The following ITPR1 variants were observed in gnomAD, a reference collection of about 807,000 sequenced individuals.
ITPR1 encodes inositol 1,4,5-trisphosphate receptor type 1, also known as inositol 1,4,5-trisphosphate-gated calcium channel ITPR1.
A neutral mutation model predicts 318.4 loss-of-function variants in ITPR1; 96 were observed. The ratio of observed to expected loss-of-function variants is 0.30; its 90% CI spans 0.26 to 0.36. The LOEUF (loss-of-function observed/expected upper bound fraction) is 0.36. Ranked by LOEUF, ITPR1 falls within the 10% of genes least tolerant of loss-of-function variation. The pLI, the probability that ITPR1 is intolerant of heterozygous loss-of-function variation, is 1.00. For missense variants in ITPR1, 2,440 were observed against 3,460.2 expected (o/e 0.71, Z 7.40); for synonymous variants, 1,312 against 1,289.9 (o/e 1.02, Z -0.37).
intron 55 of ITPR1, among the ~76,000 whole-genome samples, 176 bp from the exon 56 acceptor site, chr3:4,811,089 T>G (rs2048912539): frequency 6.6e-6 from 1 of 152,218 alleles, no homozygotes; most frequent in South Asian, 2.1e-4. Flanking sequence ...TTTTTCCTCA[T>G]TTTTACCATC....
intron 4 of ITPR1, among the ~76,000 whole-genome samples, chr3:4,565,401 G>A (rs4684420): frequency 0.69 from 104,939 of 152,116 alleles, 36,258 homozygotes; most frequent in Admixed American, 0.74. Flanking sequence ...TCTACCACCT[G>A]GTCCATTCAA....
intron 61 of ITPR1, among the ~76,000 whole-genome samples, chr3:4,842,641 G>A (rs1404375920): frequency 6.6e-6 from 1 of 152,140 alleles, no homozygotes; most frequent in Non-Finnish European, 1.5e-5. Context: ...TACGGAGTGA[G>A]CCACCATGCC....
intron 54 of ITPR1, among the ~76,000 whole-genome samples, chr3:4,802,313 G>A (rs911918234): frequency 7.2e-5 from 11 of 152,196 alleles, no homozygotes; most frequent in African/African-American, 2.4e-4. Flanking sequence ...TCCCAGTAGT[G>A]GAAAGTGCCT....
chr3:4,846,563 TTA>T lies in ITPR1; in HGVS notation c.*340_*341del, dbSNP rs763218969. On this transcript the variant is annotated 3_prime_UTR_variant, in exon 62 of 62. Transcript: ENST00000649015. ...TATTTAAAACTAGAATAGCCAGTAT[TTA>T]TGTTTTTTATAAAACTGTGCAATAC... is the stretch of plus-strand genomic sequence containing the variant. 1.2e-4 allele frequency: 21 copies of T among 175,528 alleles called. No homozygotes were observed. The South Asian group carries it at 2.2e-3, about 19-fold the overall frequency. 10.9% of individuals were successfully genotyped at this position (175,528 alleles called of 1,614,324 possible). A position where few individuals can be genotyped will look rare whatever the true frequency, so the allele number is the denominator to read the frequency against.
At chr3:4,746,500 T>C (rs113119861) in intron 44 of ITPR1, among the ~76,000 whole-genome samples, 64 of 152,266 alleles carry the variant, frequency 4.2e-4, no homozygotes, top group African/African-American at 7.2e-4. Flanking sequence ...AAGCCCTGAT[T>C]GAAATGTCTC....
intron 4 of ITPR1, among the ~76,000 whole-genome samples, chr3:4,588,041 C>T (rs1337301449): frequency 6.6e-6 from 1 of 152,090 alleles, no homozygotes; most frequent in Admixed American, 6.6e-5. Flanking sequence ...TGAAATTAGT[C>T]ATATAAAATC....
chr3:4,610,762 GGTCC>G (rs1319952619), intron 4 of ITPR1, among the ~76,000 whole-genome samples: 1 of 152,094 alleles, frequency 6.6e-6, no homozygotes, highest in African/African-American at 2.4e-5. Flanking sequence ...TTATTCCACA[GGTCC>G]GCCCAGCTAT....
chr3:4,521,258 A>G (rs1172595380), intron 4 of ITPR1, among the ~76,000 whole-genome samples, 164 bp downstream of exon 4: 1 of 152,244 alleles, frequency 6.6e-6, no homozygotes, highest in Non-Finnish European at 1.5e-5. Context: ...AAAAATGCAT[A>G]CATAAATTTA....
chr3:4,757,135 GA>G (rs2045060712), intron 44 of ITPR1, among the ~76,000 whole-genome samples: 1 of 152,166 alleles, frequency 6.6e-6, no homozygotes, highest in Non-Finnish European at 1.5e-5. Flanking sequence ...TAGGTTTCCC[GA>G]GTTCCAGTTC....
In ITPR1 at chr3:4,766,606, T is replaced by C. The variant is rs143093165; in HGVS notation, c.5621T>C (p.Val1874Ala). 1.2e-6 allele frequency: 2 copies of C among 1,613,640 alleles called. No individual in the cohort carries two copies. The highest frequency in any genetic ancestry group is 2.7e-5 in the African/African-American group (2 of 74,884). The change falls in exon 45 of 62, where the codon GTG (valine) becomes GCG (alanine). Residue 1874 changes from valine to alanine, a missense_variant. Physicochemically the swap from Val to Ala is moderately conservative, Grantham distance 64. This residue lies in a region of ITPR1 where 80 missense variants were observed against 122.0 expected (regional missense o/e 0.66). Coordinates refer to ENST00000649015, the MANE Select transcript of ITPR1 (RefSeq NM_001378452.1). Reference protein sequence around the residue: ...FFKVFYDRMKVAQQEIKATVT... With the variant: ...FFKVFYDRMKAAQQEIKATVT... ...AAGGTGTTTTATGACCGGATGAAGG[T>C]GGCCCAGCAAGAAATCAAAGCAACA...
intron 25 of ITPR1, 95 bp downstream of exon 25, chr3:4,680,786 A>C: frequency 8.5e-7 from 1 of 1,170,510 alleles, no homozygotes; most frequent in South Asian, 1.6e-5. Context: ...AAAGGGTGAA[A>C]ATGGTTTTGA....
intron 40 of ITPR1, among the ~76,000 whole-genome samples, chr3:4,718,154 C>A (rs1475637369): frequency 1.3e-5 from 2 of 152,126 alleles, no homozygotes; most frequent in African/African-American, 4.8e-5. Context: ...CTTCAGTATT[C>A]CTTGCTGTAT....
intron 4 of ITPR1, among the ~76,000 whole-genome samples, chr3:4,600,667 G>C (rs1444904230): frequency 6.6e-6 from 1 of 152,146 alleles, no homozygotes; most frequent in East Asian, 1.9e-4. Context: ...GTAATGTGGG[G>C]ATTATGGTGT....
chr3:4,833,331 A>G (rs1177978630), intron 60 of ITPR1, among the ~76,000 whole-genome samples: 3 of 152,218 alleles, frequency 2.0e-5, no homozygotes, highest in Non-Finnish European at 4.4e-5. Flanking sequence ...GGCTATGTGC[A>G]GACTCTTGCA....
At chr3:4,568,268 C>A (rs906920975) in intron 4 of ITPR1, among the ~76,000 whole-genome samples, 2 of 152,200 alleles carry the variant, frequency 1.3e-5, no homozygotes, top group African/African-American at 4.8e-5. Context: ...ACTAGGCATA[C>A]TCTACTGCTG....
chr3:4,829,490 A>G (rs990117096), intron 60 of ITPR1, among the ~76,000 whole-genome samples: 6 of 152,240 alleles, frequency 3.9e-5, no homozygotes, highest in African/African-American at 1.2e-4. Context: ...AATTAAAAAG[A>G]ATAAAAGGAT....
intron 44 of ITPR1, among the ~76,000 whole-genome samples, chr3:4,738,481 A>G (rs2043443389): frequency 6.6e-6 from 1 of 152,106 alleles, no homozygotes; most frequent in African/African-American, 2.4e-5. Flanking sequence ...CGTGGAAGAG[A>G]AGTCAGAGGC....
intron 60 of ITPR1, among the ~76,000 whole-genome samples, chr3:4,831,669 C>T (rs747443044): frequency 6.6e-5 from 10 of 152,196 alleles, no homozygotes; most frequent in African/African-American, 1.2e-4. Context: ...CACTGAGACA[C>T]GTTTTTGATC....
rs371988852 is a variant in ITPR1, at chr3:4,818,173, C to A, written c.7959C>A (p.Ile2653=). The A allele has an allele frequency of 6.2e-7, 1 of 1,604,812 alleles. No individual in the cohort carries two copies. The highest frequency in any genetic ancestry group is 8.5e-7 in the Non-Finnish European group (1 of 1,172,554). Reference sequence around the variant, plus strand: ...ACATGTGGCACTATCTGTGCTTCATCGTCCTGGTGAAAGTAAAGGACTCCA... The same window carrying A: ...ACATGTGGCACTATCTGTGCTTCATAGTCCTGGTGAAAGTAAAGGACTCCA... ...EHNMWHYLCF[I]VLVKVKDSTE... Residue 2653 remains isoleucine, a synonymous_variant, in exon 60 of 62, where the codon ATC becomes ATA. Coordinates refer to ENST00000649015, the MANE Select transcript of ITPR1 (RefSeq NM_001378452.1).
Sources: allele counts gnomAD v4.1 joint callset (sites outside exome capture counted in the v4.1 genomes callset), GRCh38; gene constraint gnomAD v4.1.1; regional missense constraint gnomAD v4.1.1; transcripts MANE v1.5; gene names NCBI Gene and HGNC (gene_info 2026-07-23, HGNC 2026-07-21).